The following AXIN1 variants were observed in gnomAD, a reference collection of about 807,000 sequenced individuals.
AXIN1 encodes axin-1.
AXIN1 carries 30 observed loss-of-function variants against 76.4 expected under a neutral mutation model. That is an observed-to-expected ratio of 0.39 (90% CI 0.29 to 0.53). AXIN1 has a LOEUF of 0.53. Among genes scored for constraint, AXIN1 ranks in the 20% least tolerant of loss-of-function variants. AXIN1 has a pLI of 0.66. For missense variants in AXIN1, 1,140 were observed against 1,198.8 expected (o/e 0.95, Z 0.72); for synonymous variants, 545 against 501.4 (o/e 1.09, Z -1.16).
chr16:294,858 C>G, intron 7 of AXIN1, among the ~76,000 whole-genome samples: 1 of 150,548 alleles, frequency 6.6e-6, no homozygotes. Flanking sequence ...GTCAAGAGAT[C>G]GAGACCGTCC....
intron 2 of AXIN1, among the ~76,000 whole-genome samples, chr16:322,998 C>T (rs2053491812): frequency 6.6e-6 from 1 of 152,192 alleles, no homozygotes; most frequent in South Asian, 2.1e-4. Context: ...CCACTTGCTT[C>T]CCAAAACTGA....
At chr16:319,133 G>A (rs916688167) in intron 2 of AXIN1, among the ~76,000 whole-genome samples, 1 of 152,198 alleles carries the variant, frequency 6.6e-6, no homozygotes, top group Admixed American at 6.5e-5. Flanking sequence ...AGACCCTGTA[G>A]AGCCAGGTAG....
intron 6 of AXIN1, 25 bp downstream of exon 6, chr16:297,694 CCCT>C (rs1567265533): frequency 6.3e-7 from 1 of 1,579,916 alleles, no homozygotes; most frequent in Non-Finnish European, 8.6e-7. Context: ...ACCCCAAGCC[CCCT>C]CCTCACTGAC....
rs2141700411 is a variant in AXIN1 at position 346,189 on chromosome 16, C to G, written c.837G>C (p.Arg279Ser). 6.2e-7 allele frequency: 1 copy of G among 1,613,914 alleles called. No individual in the cohort carries two copies. The highest frequency in any genetic ancestry group is 8.5e-7 in the Non-Finnish European group (1 of 1,180,030). Residue 279 changes from arginine to serine, a missense_variant, in exon 2 of 11, where the codon AGG (arginine) becomes AGC (serine). By Grantham distance (110) the Arg-to-Ser change is moderately radical. This residue lies in a region of AXIN1 where 708 missense variants were observed against 776.9 expected (regional missense o/e 0.91). Coordinates refer to ENST00000262320, the MANE Select transcript of AXIN1 (RefSeq NM_003502.4). Reference sequence around the variant, plus strand: ...CGCTGTACCGTCTACTGGAGGAGACCCTCGGGGCAGCTGTCTCCAGGAGCA... The same window carrying G: ...CGCTGTACCGTCTACTGGAGGAGACGCTCGGGGCAGCTGTCTCCAGGAGCA... ...QKLLLETAAP[R>S]VSSSRRYSEG...
rs749849723 is a variant in AXIN1, at chr16:314,621, G to A, written c.941C>T (p.Pro314Leu). 5 of 1,614,042 alleles carry A rather than the reference G, an allele frequency of 3.1e-6. No homozygotes were observed. Among genetic ancestry groups the A allele is most frequent in the Non-Finnish European group, 4.2e-6 (5 of 1,180,014 alleles). The change falls in exon 3 of 11, where the codon CCA (proline) becomes CTA (leucine). Residue 314 changes from proline (P) to leucine (L), a missense_variant. Coordinates refer to ENST00000262320, the MANE Select transcript of AXIN1 (RefSeq NM_003502.4). ...CTCGCTGTCGTTGGCACTGGTGGCTGGGGCCAGGGCATAGCCGGCATTGAC... is the reference window on the plus strand; with the variant it reads ...CTCGCTGTCGTTGGCACTGGTGGCTAGGGCCAGGGCATAGCCGGCATTGAC... ...YYVNAGYALA[P>L]ATSANDSEQQ...
At chr16:317,260 G>C (rs911284438) in intron 2 of AXIN1, among the ~76,000 whole-genome samples, 2 of 152,228 alleles carry the variant, frequency 1.3e-5, no homozygotes, top group Non-Finnish European at 2.9e-5. Flanking sequence ...GACAGCCTGT[G>C]GCGGTGCTGG....
intron 2 of AXIN1, among the ~76,000 whole-genome samples, chr16:338,983 CACCAGCAGAGTCCAGCAGAG>C (rs2053860928): frequency 1.1e-5 from 1 of 93,364 alleles, no homozygotes; most frequent in Non-Finnish European, 2.2e-5. Context: ...TCCAGCAGAG[CACCAGCAGAGTCCAGCAGAG>C]TCTGGGATTA....
At chr16:304,509 G>C in intron 4 of AXIN1, 68 bp from the exon 5 acceptor site, 3 of 1,604,260 alleles carry the variant, frequency 1.9e-6, no homozygotes, top group Non-Finnish European at 2.6e-6. Context: ...TTTGTGAAGG[G>C]AAAGAGCGTG....
chr16:341,418 C>T (rs2053917843), intron 2 of AXIN1, among the ~76,000 whole-genome samples: 2 of 152,240 alleles, frequency 1.3e-5, no homozygotes, highest in African/African-American at 2.4e-5. Context: ...CCAGCGGCTG[C>T]GGAGGGTGTG....
chr16:337,707 G>T (rs2141674390), intron 2 of AXIN1, among the ~76,000 whole-genome samples: 1 of 152,342 alleles, frequency 6.6e-6, no homozygotes, highest in East Asian at 1.9e-4. Context: ...TGCTTCAACG[G>T]ATCACAAAGG....
chr16:290,753 A>G, intron 9 of AXIN1: 1 of 338,148 alleles, frequency 3.0e-6, no homozygotes, highest in Non-Finnish European at 5.8e-6. Flanking sequence ...GGCTGGACAG[A>G]CACGCATGGC....
chr16:350,877 A>T (rs962970887), intron 1 of AXIN1, among the ~76,000 whole-genome samples: 3 of 152,202 alleles, frequency 2.0e-5, no homozygotes, highest in African/African-American at 4.8e-5. Flanking sequence ...CACGCCTGTA[A>T]TCCCAGCACT....
Position 293,292 on chromosome 16 carries a change from C to T in AXIN1, c.2186+196G>A. On this transcript the variant is annotated intron_variant, in intron 8 of 10. Coordinates refer to ENST00000262320, the MANE Select transcript of AXIN1 (RefSeq NM_003502.4). The surrounding 1 kb of genome is among the most constrained non-coding windows in gnomAD (Gnocchi z 4.6). ...CTCGGGTGTGTGAAAGCTCCAGCCC[C>T]AGCCTCCGTCCACCGCAGGGTGGCC... 1.6e-6 allele frequency: 1 copy of T among 626,950 alleles called. No individual in the cohort carries two copies. Among genetic ancestry groups the T allele is most frequent in the Admixed American group, 2.9e-5 (1 of 34,720 alleles). 38.8% of individuals were successfully genotyped at this position (626,950 alleles called of 1,614,324 possible).
intron 3 of AXIN1, among the ~76,000 whole-genome samples, chr16:311,783 G>GAAGA (rs937748175): frequency 6.6e-6 from 1 of 151,986 alleles, no homozygotes; most frequent in African/African-American, 2.4e-5. Flanking sequence ...AAAAGAAAAG[G>GAAGA]AAGAAAGAAA....
At chr16:338,502 T>C (rs369685649) in intron 2 of AXIN1, among the ~76,000 whole-genome samples, 336 of 152,384 alleles carry the variant, frequency 2.2e-3, no homozygotes, top group African/African-American at 7.8e-3. Flanking sequence ...CAGAATCCTT[T>C]GGCCTGACAG....
intron 2 of AXIN1, among the ~76,000 whole-genome samples, chr16:330,236 AT>A (rs549652330): frequency 6.7e-6 from 1 of 149,990 alleles, no homozygotes; most frequent in Non-Finnish European, 1.5e-5. Flanking sequence ...CAATTTTTCT[AT>A]TTTTTTCTAG....
intron 10 of AXIN1, among the ~76,000 whole-genome samples, chr16:288,461 C>T (rs1436102547): frequency 6.6e-6 from 1 of 152,248 alleles, no homozygotes; most frequent in African/African-American, 2.4e-5. Context: ...GGTGAGTTCA[C>T]TGCCTGCTGG....
At chr16:291,164 CG>C in intron 9 of AXIN1, 25 bp downstream of exon 9, 1 of 1,557,894 alleles carries the variant, frequency 6.4e-7, no homozygotes, top group Non-Finnish European at 8.7e-7. Context: ...TGGGCAGGAC[CG>C]GGAGGACCCT....
intron 2 of AXIN1, among the ~76,000 whole-genome samples, chr16:319,635 G>A (rs566427373): frequency 6.6e-6 from 1 of 152,164 alleles, no homozygotes; most frequent in Non-Finnish European, 1.5e-5. Flanking sequence ...GTGGAGAAAG[G>A]TGCTCCTCCT....
Sources: gnomAD v4.1 joint callset for allele counts (sites outside exome capture counted in the v4.1 genomes callset) on GRCh38, gnomAD v4.1.1 for gene constraint, gnomAD v4.1.1 regional missense constraint, Gnocchi (gnomAD v3.1) non-coding constraint, MANE v1.5 for transcripts, NCBI Gene and HGNC (gene_info 2026-07-23, HGNC 2026-07-21) for gene names.